MEGF6: variants seen among roughly 807,000 people sequenced by gnomAD.
MEGF6 encodes multiple EGF like domains 6, also known as multiple epidermal growth factor-like domains protein 6.
Under a neutral mutation model 207.1 loss-of-function variants are expected in MEGF6, and 184 were observed. That is an observed-to-expected ratio of 0.89 (90% confidence interval 0.79 to 1.00). The LOEUF (loss-of-function observed/expected upper bound fraction) is 1.00, where lower values mean the gene tolerates loss of function less well. Ranked by LOEUF, MEGF6 falls within the 50% of genes least tolerant of loss-of-function variation. The pLI, the probability that MEGF6 is intolerant of heterozygous loss-of-function variation, is 0.00. For missense variants in MEGF6, 2,282 were observed against 2,202.9 expected, an observed-to-expected ratio of 1.04 and a Z score of -0.72; for synonymous variants, 1,038 against 910.0, an observed-to-expected ratio of 1.14 and a Z score of -2.53.
chr1:3,531,395 C>T, intron 4 of MEGF6: 1 of 1,159,260 alleles, frequency 8.6e-7, no homozygotes, highest in African/African-American at 1.6e-5. Flanking sequence ...CGCTCGGCGC[C>T]GCCCGGGAGC....
At chr1:3,520,690 G>A (rs775025081) in intron 5 of MEGF6, among the ~76,000 whole-genome samples, 5 of 152,330 alleles carry the variant, frequency 3.3e-5, no homozygotes, top group Non-Finnish European at 7.3e-5. Context: ...CTCACAGTGT[G>A]GGAGCCACTG....
At chr1:3,516,955 G>A (rs762590072) in intron 5 of MEGF6, among the ~76,000 whole-genome samples, 1 of 152,142 alleles carries the variant, frequency 6.6e-6, no homozygotes, top group Admixed American at 6.5e-5. Context: ...TGAGCCCCTC[G>A]CCCCATCCAC....
chr1:3,562,037 C>A (rs935648833), intron 4 of MEGF6, among the ~76,000 whole-genome samples: 13 of 152,194 alleles, frequency 8.5e-5, no homozygotes, highest in African/African-American at 3.1e-4. Flanking sequence ...CAGCGTCATG[C>A]TTAGCGGCTG....
intron 36 of MEGF6, 126 bp from the exon 37 acceptor site, chr1:3,490,715 G>C (rs1418556298): frequency 8.6e-7 from 1 of 1,164,076 alleles, no homozygotes; most frequent in Non-Finnish European, 1.2e-6. Context: ...CAGGTGGGTG[G>C]GGCCCACCCA....
intron 4 of MEGF6, among the ~76,000 whole-genome samples, chr1:3,547,279 G>A (rs1247952659): frequency 6.6e-6 from 1 of 152,198 alleles, no homozygotes; most frequent in Non-Finnish European, 1.5e-5. Flanking sequence ...GAGGCTGGGT[G>A]TGGAAACCCA....
intron 8 of MEGF6, 42 bp from the exon 9 acceptor site, chr1:3,511,729 G>A: frequency 6.3e-7 from 1 of 1,580,960 alleles, no homozygotes; most frequent in South Asian, 1.1e-5. Flanking sequence ...ATGGCGGCTA[G>A]GATGACCCCC....
At chr1:3,497,536 G>T in intron 26 of MEGF6, 175 bp from the exon 27 acceptor site, 1 of 916,402 alleles carries the variant, frequency 1.1e-6, no homozygotes, top group Non-Finnish European at 1.7e-6. Context: ...GGCAGAGGCA[G>T]GCCCCGGTGG....
At chr1:3,542,560 G>T (rs563359672) in intron 4 of MEGF6, among the ~76,000 whole-genome samples, 12 of 152,302 alleles carry the variant, frequency 7.9e-5, no homozygotes, top group Admixed American at 6.5e-4. Flanking sequence ...AGAGTGGGGA[G>T]CCCAGGCCGA....
chr1:3,536,960 C>G (rs1472455707), intron 4 of MEGF6, among the ~76,000 whole-genome samples: 1 of 152,292 alleles, frequency 6.6e-6, no homozygotes, highest in Non-Finnish European at 1.5e-5. Flanking sequence ...CCCCCTCCAG[C>G]CTTGCGGCTC....
intron 4 of MEGF6, among the ~76,000 whole-genome samples, chr1:3,525,517 C>T (rs1242403892): frequency 6.6e-6 from 1 of 152,242 alleles, no homozygotes; most frequent in Non-Finnish European, 1.5e-5. Context: ...CCTGAACAAG[C>T]GTGGCTGAAG....
In MEGF6 at chr1:3,560,705, A is replaced by G. The variant is rs768473048; in HGVS notation, c.481+19120T>C. The G allele has an allele frequency of 4.4e-6, 2 of 456,444 alleles. No individual in the cohort carries two copies. Among genetic ancestry groups the G allele is most frequent in the African/African-American group, 4.1e-5 (2 of 49,148 alleles). The allele number at this position is 456,444 out of a possible 1,614,324, so 28.3% of individuals were successfully genotyped here. A position where few individuals can be genotyped will look rare whatever the true frequency, so the allele number is the denominator to read the frequency against. The stretch of plus-strand genomic sequence containing the variant: ...CCTCCCCATCTGTGGTTTCCAGGGC[A>G]ACCCTGGAAACCAAGAGTGGGTCGC... On this transcript the variant is annotated intron_variant, in intron 4 of 36. Transcript: ENST00000356575. The surrounding 1 kb of genome is among the most constrained non-coding windows in gnomAD (Gnocchi z 4.0).
chr1:3,535,467 C>CCCCTCTCCAGAAGGCTGT (rs1642297639), intron 4 of MEGF6, among the ~76,000 whole-genome samples: 3 of 152,156 alleles, frequency 2.0e-5, no homozygotes, highest in Admixed American at 6.5e-5. Flanking sequence ...CAGAAGGCTG[C>CCCCTCTCCAGAAGGCTGT]ATCCAACCCT....
At position 3,573,378 on chromosome 1, in the gene MEGF6, C is replaced by T. The variant is rs777370775; in HGVS notation, c.481+6447G>A. Among the ~76,000 whole-genome samples the T allele has an allele frequency of 7.9e-5, 12 of 152,220 alleles. No homozygotes were observed. The highest frequency in any genetic ancestry group is 1.8e-4 in the Non-Finnish European group (12 of 68,028). On this transcript the variant is annotated intron_variant, in intron 4 of 36. Coordinates refer to ENST00000356575, the MANE Select transcript of MEGF6 (RefSeq NM_001409.4). The surrounding 1 kb of genome is among the most constrained non-coding windows in gnomAD (Gnocchi z 5.1). Reference sequence around the variant, plus strand: ...CTCCTGGCTGAGCCAGCTCCAGGCCCAGATGGAAACCTTCTGCTTGGCTGC... The same window carrying T: ...CTCCTGGCTGAGCCAGCTCCAGGCCTAGATGGAAACCTTCTGCTTGGCTGC...
At chr1:3,531,718 C>A (rs1642182059) in intron 4 of MEGF6, among the ~76,000 whole-genome samples, 1 of 152,184 alleles carries the variant, frequency 6.6e-6, no homozygotes, top group Non-Finnish European at 1.5e-5. Context: ...CACGGACATA[C>A]GCACAGGCAC....
intron 2 of MEGF6, among the ~76,000 whole-genome samples, chr1:3,598,324 G>A (rs983594107): frequency 2.4e-4 from 36 of 152,218 alleles, no homozygotes; most frequent in Non-Finnish European, 4.7e-4. Flanking sequence ...GCCGGCGGGC[G>A]GGCCGCTTCC....
rs541413800 is a variant in MEGF6, at chr1:3,573,796, G to A, written c.481+6029C>T. On this transcript the variant is annotated intron_variant, in intron 4 of 36. Transcript: ENST00000356575. This position sits in a 1 kb window ranked among gnomAD's most constrained non-coding sequence, Gnocchi z 5.1. ...AGAGCAGCCCTGGGTGGCGTCTGGA[G>A]CTCGGGCGAGGGGTCAGACTCCCAC... Among the ~76,000 whole-genome samples the A allele has an allele frequency of 6.6e-6, 1 of 152,208 alleles. No homozygotes were observed. Among genetic ancestry groups the A allele is most frequent in the African/African-American group, 2.4e-5 (1 of 41,460 alleles).
Position 3,528,836 on chromosome 1 carries a change from T to C in MEGF6, c.482-4590A>G, listed in dbSNP as rs184442268. On this transcript the variant is annotated intron_variant, in intron 4 of 36. Coordinates refer to ENST00000356575, the MANE Select transcript of MEGF6 (RefSeq NM_001409.4). ...AGCACAGCCCTGCCCACGCCTTGAT[T>C]TTAGCCCACTTTGGACTGGGCCTCG... Among the ~76,000 whole-genome samples the C allele has an allele frequency of 3.4e-4, 52 of 152,278 alleles. No individual in the cohort carries two copies. In the East Asian group the frequency reaches 9.9e-3, roughly 29 times the overall value.
Position 3,495,956 on chromosome 1 carries a change from C to T in MEGF6, c.3805G>A (p.Ala1269Thr). 6.3e-7 allele frequency: 1 copy of T among 1,585,828 alleles called. No homozygotes were observed. The highest frequency in any genetic ancestry group is 1.1e-5 in the South Asian group (1 of 88,718). ...THVCGCGQGAACDPVTGTCLC... is the reference protein window; with the variant it reads ...THVCGCGQGATCDPVTGTCLC... ...CAGGTGCCGGTCACAGGGTCGCAGG[C>T]CGCCCCCTGCCCACACCCACACACG... Residue 1269 changes from alanine (A) to threonine (T), a missense_variant, in exon 30 of 37, where the codon GCC (alanine) becomes ACC (threonine). Transcript: ENST00000356575.
At chr1:3,521,081 T>TC (rs2101152281) in intron 5 of MEGF6, among the ~76,000 whole-genome samples, 1 of 152,120 alleles carries the variant, frequency 6.6e-6, no homozygotes, top group East Asian at 1.9e-4. Flanking sequence ...ATGTTCCTTG[T>TC]CCCCCTGCAA....
Sources: allele counts gnomAD v4.1 joint callset (sites outside exome capture counted in the v4.1 genomes callset), GRCh38; gene constraint gnomAD v4.1.1; non-coding constraint Gnocchi (gnomAD v3.1); transcripts MANE v1.5; gene names NCBI Gene and HGNC (gene_info 2026-07-23, HGNC 2026-07-21).